The following GPR158 variants were observed in gnomAD, a reference collection of about 807,000 sequenced individuals.
The protein encoded by GPR158 is metabotropic glycine receptor.
A neutral mutation model predicts 78.2 loss-of-function variants in GPR158; 30 were observed. That is an observed-to-expected ratio of 0.38 (90% CI 0.29 to 0.52). The LOEUF is 0.52. Ranked by LOEUF, GPR158 falls within the 20% of genes least tolerant of loss-of-function variation. GPR158 has a pLI of 0.83. For missense variants in GPR158, 1,463 were observed against 1,523.5 expected (o/e 0.96, Z 0.66); for synonymous variants, 581 against 591.1 (o/e 0.98, Z 0.25).
At chr10:25,254,843 A>C (rs1384062661) in intron 2 of GPR158, among the ~76,000 whole-genome samples, 1 of 152,226 alleles carries the variant, frequency 6.6e-6, no homozygotes, top group African/African-American at 2.4e-5. Flanking sequence ...CCTTGGAAGT[A>C]TCTAATGACT....
At chr10:25,339,749 G>A (rs949965647) in intron 2 of GPR158, among the ~76,000 whole-genome samples, 1 of 152,044 alleles carries the variant, frequency 6.6e-6, no homozygotes, top group African/African-American at 2.4e-5. Context: ...TATATTTGAT[G>A]CACTGCTAGG....
chr10:25,211,802 C>T (rs915645815), intron 1 of GPR158, among the ~76,000 whole-genome samples: 3 of 152,172 alleles, frequency 2.0e-5, no homozygotes, highest in African/African-American at 7.2e-5. Flanking sequence ...TAGTGATCCA[C>T]TTATTATATT....
intron 2 of GPR158, among the ~76,000 whole-genome samples, chr10:25,252,888 C>T (rs1356037536): frequency 6.6e-6 from 1 of 152,306 alleles, no homozygotes; most frequent in African/African-American, 2.4e-5. Context: ...CAAGCCTGGG[C>T]AATGGCGGGC....
At chr10:25,325,825 CATT>C (rs1244132343) in intron 2 of GPR158, among the ~76,000 whole-genome samples, 1 of 151,390 alleles carries the variant, frequency 6.6e-6, no homozygotes, top group African/African-American at 2.4e-5. Flanking sequence ...GGTGATATCT[CATT>C]GTGGTTTTTA....
At chr10:25,232,399 G>A (rs1394073722) in intron 2 of GPR158, among the ~76,000 whole-genome samples, 1 of 152,168 alleles carries the variant, frequency 6.6e-6, no homozygotes, top group Admixed American at 6.5e-5. Context: ...AGTGAGAAAT[G>A]AGGCTACGGA....
intron 6 of GPR158, among the ~76,000 whole-genome samples, chr10:25,557,802 G>A (rs769685024): frequency 3.3e-5 from 5 of 152,138 alleles, no homozygotes; most frequent in Admixed American, 2.0e-4. Context: ...ACATCAATGA[G>A]TACCTTTTGA....
rs145876705 is a variant in GPR158 at position 25,303,944 on chromosome 10, T to G, written c.1008+82787T>G. Among the ~76,000 whole-genome samples the G allele has an allele frequency of 1.7e-3, 255 of 152,312 alleles. 4 individuals are homozygous for G. Among genetic ancestry groups the G allele is most frequent in the African/African-American group, 5.9e-3 (244 of 41,566 alleles). ...ATGAAGTCAAGAATGTAAATTCCTA[T>G]CTCCATCCCTGGTGAGAAGTGATTG... On this transcript the variant is annotated intron_variant, in intron 2 of 10. Coordinates refer to ENST00000376351, the MANE Select transcript of GPR158 (RefSeq NM_020752.3).
rs1245606500 is a variant in GPR158 at position 25,175,138 on chromosome 10, T to TG, written c.-282dup. 3.0e-6 allele frequency: 1 copy of TG among 335,406 alleles called. No individual in the cohort carries two copies. The highest frequency in any genetic ancestry group is 5.5e-6 in the Non-Finnish European group (1 of 183,214). 20.8% of individuals were successfully genotyped at this position (335,406 alleles called of 1,614,324 possible). A position where few individuals can be genotyped will look rare whatever the true frequency, so the allele number is the denominator to read the frequency against. ...TCCAGCCGCTGGGAGCGCGAGGCCA[T>TG]GTAACCCGCTCGGCTCCAGGCTGCG... On this transcript the variant is annotated 5_prime_UTR_variant, in exon 1 of 11. An upstream open reading frame in the 5' UTR gains an earlier in-frame stop. Transcript: ENST00000376351. The surrounding 1 kb of genome is among the most constrained non-coding windows in gnomAD (Gnocchi z 6.4).
At chr10:25,480,401 T>G (rs1835650104) in intron 5 of GPR158, among the ~76,000 whole-genome samples, 1 of 152,214 alleles carries the variant, frequency 6.6e-6, no homozygotes, top group Non-Finnish European at 1.5e-5. Context: ...TTAAACACAT[T>G]CACAGTGTTG....
At chr10:25,337,955 C>T (rs1175221972) in intron 2 of GPR158, among the ~76,000 whole-genome samples, 6 of 151,740 alleles carry the variant, frequency 4.0e-5, no homozygotes, top group Admixed American at 2.0e-4. Flanking sequence ...TTAAGTATTT[C>T]GACTGTTTTT....
At chr10:25,391,554 C>T (rs765017052) in intron 2 of GPR158, among the ~76,000 whole-genome samples, 21 of 152,210 alleles carry the variant, frequency 1.4e-4, no homozygotes, top group Non-Finnish European at 2.6e-4. Context: ...GGCCTGTAGC[C>T]CCTTTATGTT....
intron 1 of GPR158, among the ~76,000 whole-genome samples, chr10:25,202,689 A>G (rs1852951199): frequency 6.6e-6 from 1 of 152,200 alleles, no homozygotes; most frequent in African/African-American, 2.4e-5. Context: ...AGTCTTTGCT[A>G]TTGTGAATAG....
At chr10:25,468,098 C>T (rs1835450278) in intron 5 of GPR158, among the ~76,000 whole-genome samples, 1 of 152,166 alleles carries the variant, frequency 6.6e-6, no homozygotes, top group African/African-American at 2.4e-5. Context: ...CCTTTGCCCT[C>T]TTTCCCTCTT....
chr10:25,448,359 G>A (rs1028310940), intron 4 of GPR158, among the ~76,000 whole-genome samples: 1 of 152,054 alleles, frequency 6.6e-6, no homozygotes, highest in Non-Finnish European at 1.5e-5. Context: ...CAAAGTGCTG[G>A]GATTACAGGC....
intron 3 of GPR158, among the ~76,000 whole-genome samples, chr10:25,411,732 G>A (rs979999547): frequency 3.3e-5 from 5 of 151,704 alleles, no homozygotes; most frequent in Non-Finnish European, 5.9e-5. Context: ...TCCGGAGATC[G>A]AGACCATTCT....
At chr10:25,290,295 G>T (rs917266573) in intron 2 of GPR158, among the ~76,000 whole-genome samples, 1 of 152,070 alleles carries the variant, frequency 6.6e-6, no homozygotes, top group Non-Finnish European at 1.5e-5. Flanking sequence ...TCCTGTTACT[G>T]CTAGCCTCTT....
At chr10:25,354,914 A>T (rs866540967) in intron 2 of GPR158, among the ~76,000 whole-genome samples, 5 of 152,056 alleles carry the variant, frequency 3.3e-5, no homozygotes, top group Non-Finnish European at 7.4e-5. Flanking sequence ...TTCTATTGAG[A>T]AGTCTGTTGC....
chr10:25,520,872 T>G (rs1441499077), intron 5 of GPR158, among the ~76,000 whole-genome samples: 3 of 152,250 alleles, frequency 2.0e-5, no homozygotes, highest in Non-Finnish European at 2.9e-5. Flanking sequence ...GCAGGCCTCC[T>G]TGAGCTGTGG....
At chr10:25,429,951 A>G (rs1230651709) in intron 4 of GPR158, among the ~76,000 whole-genome samples, 6 of 137,994 alleles carry the variant, frequency 4.3e-5, no homozygotes, top group Non-Finnish European at 9.4e-5. Context: ...AAACTGGCAC[A>G]AGACAGGGAT....
Sources: allele counts gnomAD v4.1 joint callset (sites outside exome capture counted in the v4.1 genomes callset), GRCh38; gene constraint gnomAD v4.1.1; non-coding constraint Gnocchi (gnomAD v3.1); transcripts MANE v1.5; gene names NCBI Gene and HGNC (gene_info 2026-07-23, HGNC 2026-07-21).